Variants in CP observed in about 807,000 individuals in gnomAD.
CP encodes the protein caeruloplasmin.
In CP, 64 loss-of-function variants were observed where a neutral mutation model predicts 122.4. The ratio of observed to expected loss-of-function variants is 0.52; its 90% CI spans 0.43 to 0.64. CP has a LOEUF of 0.64. Among genes scored for constraint, CP ranks in the 30% least tolerant of loss-of-function variants. The probability of loss-of-function intolerance (pLI) is 0.00; values close to 1 mark genes in which losing one functional copy is unlikely to be tolerated. For synonymous variants in CP, 440 were observed against 436.4 expected (o/e 1.01, Z -0.10); for missense variants, 1,167 against 1,284.4 (o/e 0.91, Z 1.40).
chr3:149,177,818 A>C (rs748917873), intron 17 of CP, 22 bp downstream of exon 17: 1 of 1,611,772 alleles, frequency 6.2e-7, no homozygotes, highest in Non-Finnish European at 8.5e-7. Flanking sequence ...GAGCAAGAGT[A>C]ATTGCCATGG....
chr3:149,185,441 A>T lies in CP; in HGVS notation c.2083T>A (p.Phe695Ile). ...TCAGTTGTAAGGCATTCAACATTAA[A>T]AGTCCCTGGAGTGGTAAATAAGAAA... is the stretch of plus-strand genomic sequence containing the variant. ...LHMWPDTEGTFNVECLTTDHY... is the reference protein window; with the variant it reads ...LHMWPDTEGTINVECLTTDHY... Residue 695 changes from phenylalanine (F) to isoleucine (I), a missense_variant, in exon 12 of 19, where the codon TTT (phenylalanine) becomes ATT (isoleucine). Phe to Ile is a conservative substitution (Grantham distance 21). Around this residue, in one of 2 missense-constraint regions of CP, gnomAD observed 525 missense variants for 657.2 expected, o/e 0.80. Coordinates refer to ENST00000264613, the MANE Select transcript of CP (RefSeq NM_000096.4). 2 of 1,614,140 alleles carry T rather than the reference A, an allele frequency of 1.2e-6. No individual in the cohort carries two copies. The highest frequency in any genetic ancestry group is 1.7e-6 in the Non-Finnish European group (2 of 1,179,996).
rs7632964 is a variant in CP at position 149,197,034 on chromosome 3, G to C, written c.1713+1333C>G. Among the ~76,000 whole-genome samples the C allele has an allele frequency of 3.3e-5, 5 of 151,950 alleles. No individual in the cohort carries two copies. In the South Asian group the frequency reaches 1.0e-3, roughly 32 times the overall value. ...CTCCTGGCTCATCCTGGCTCAAAAA[G>C]CACCCCCACTGAGCACCTTGCGACC... On this transcript the variant is annotated intron_variant, in intron 9 of 18. Coordinates refer to ENST00000264613, the MANE Select transcript of CP (RefSeq NM_000096.4).
At chr3:149,175,773 A>G (rs35900668) in intron 18 of CP, among the ~76,000 whole-genome samples, 4 of 151,854 alleles carry the variant, frequency 2.6e-5, no homozygotes, top group African/African-American at 9.7e-5. Context: ...TTCACAAACA[A>G]TTATCGGTAA....
chr3:149,174,287 C>T (rs947978866), intron 18 of CP, among the ~76,000 whole-genome samples: 1 of 152,144 alleles, frequency 6.6e-6, no homozygotes. Context: ...GGATTATTAG[C>T]GAAATTTGAA....
intron 2 of CP, among the ~76,000 whole-genome samples, chr3:149,212,064 C>T (rs537184031): frequency 1.6e-4 from 24 of 151,978 alleles, no homozygotes; most frequent in Middle Eastern, 3.4e-3. Flanking sequence ...GAGGCTGAGG[C>T]GGGCAGATCA....
chr3:149,176,197 CT>C, intron 18 of CP, 52 bp downstream of exon 18: 1 of 1,552,092 alleles, frequency 6.4e-7, no homozygotes, highest in Non-Finnish European at 8.9e-7. Flanking sequence ...AAAGTAGTTC[CT>C]TTAGTTATAT....
chr3:149,171,263 C>T (rs921065621), downstream of CP, among the ~76,000 whole-genome samples: 15 of 150,526 alleles, frequency 1.0e-4, no homozygotes, highest in South Asian at 2.3e-3. Context: ...GGTGACAGAG[C>T]GAGACTCCGT....
chr3:149,183,256 G>A (rs926356353), intron 13 of CP, among the ~76,000 whole-genome samples: 1 of 152,010 alleles, frequency 6.6e-6, no homozygotes, highest in Non-Finnish European at 1.5e-5. Context: ...ACAATACATA[G>A]TTTCCAAGAG....
chr3:149,172,487 A>G (rs1441803337), downstream of CP: 8 of 328,822 alleles, frequency 2.4e-5, no homozygotes, highest in East Asian at 1.8e-4. Context: ...AATTCCTCAA[A>G]GAAGCCATAC....
chr3:149,202,254 A>T lies in CP; in HGVS notation c.1209-13T>A, dbSNP rs1450887837. 2 of 1,613,990 alleles carry T rather than the reference A, an allele frequency of 1.2e-6. No individual in the cohort carries two copies. The highest frequency in any genetic ancestry group is 3.3e-5 in the Admixed American group (2 of 59,988). On this transcript the variant is annotated splice_polypyrimidine_tract_variant and intron_variant, in intron 6 of 18. Coordinates refer to ENST00000264613, the MANE Select transcript of CP (RefSeq NM_000096.4). ...CACCGCTGAGTCACTGCAGGGGGAA[A>T]AAAGTGTTTAATGCTGGGGTTGAAG...
At position 149,185,335 on chromosome 3, in the gene CP, C is replaced by T; in HGVS notation, c.2189G>A (p.Gly730Glu). The T allele has an allele frequency of 6.2e-7, 1 of 1,614,052 alleles. No individual in the cohort carries two copies. The highest frequency in any genetic ancestry group is 1.1e-5 in the South Asian group (1 of 91,066). ...RQSEDSTFYLGERTYYIAAVE... is the reference protein window; with the variant it reads ...RQSEDSTFYLEERTYYIAAVE... The stretch of plus-strand genomic sequence containing the variant: ...TGCTGCGATATAGTATGTCCTCTCT[C>T]CCAGGTAGAAGGTGGAATCCTCAGA... The change falls in exon 12 of 19, where the codon GGA (glycine) becomes GAA (glutamate). Residue 730 changes from glycine (G) to glutamate (E), a missense_variant. Physicochemically the swap from Gly to Glu is moderately conservative, Grantham distance 98. This residue lies in a region of CP where 525 missense variants were observed against 657.2 expected (regional missense o/e 0.80). Transcript: ENST00000264613.
intron 9 of CP, among the ~76,000 whole-genome samples, chr3:149,192,911 T>TAGGAGAAA (rs1726635814): frequency 6.6e-6 from 1 of 151,842 alleles, no homozygotes; most frequent in Non-Finnish European, 1.5e-5. Context: ...TCTCCTACAC[T>TAGGAGAAA]TTACGCAGTG....
chr3:149,165,114 A>G (rs1357334324), intron 5 of CP, among the ~76,000 whole-genome samples: 2 of 152,156 alleles, frequency 1.3e-5, no homozygotes, highest in Non-Finnish European at 1.5e-5. Flanking sequence ...CTCTAGTACT[A>G]TTGTGATACA....
intron 1 of CP, among the ~76,000 whole-genome samples, chr3:149,218,588 A>T (rs1040989667): frequency 6.6e-6 from 1 of 152,114 alleles, no homozygotes; most frequent in South Asian, 2.1e-4. Context: ...CCCTCAGGTG[A>T]CTTTTCTATC....
intron 16 of CP, 69 bp downstream of exon 16, chr3:149,178,345 CA>C: frequency 8.0e-7 from 1 of 1,247,182 alleles, no homozygotes; most frequent in Non-Finnish European, 1.2e-6. Flanking sequence ...GAATGGTCTC[CA>C]AAATAATTTT....
chr3:149,205,411 G>T (rs1218363521), intron 6 of CP, among the ~76,000 whole-genome samples: 2 of 150,452 alleles, frequency 1.3e-5, no homozygotes, highest in Non-Finnish European at 3.0e-5. Flanking sequence ...ATAATTAAAA[G>T]CAGAGATTTG....
At chr3:149,219,794 G>C (rs997395067) in intron 1 of CP, among the ~76,000 whole-genome samples, 1 of 152,054 alleles carries the variant, frequency 6.6e-6, no homozygotes, top group African/African-American at 2.4e-5. Context: ...AGTTTGGAGG[G>C]CTCAGAAGAA....
chr3:149,221,049 A>G (rs1271319507), intron 1 of CP, among the ~76,000 whole-genome samples: 1 of 151,952 alleles, frequency 6.6e-6, no homozygotes, highest in Admixed American at 6.5e-5. Flanking sequence ...ACATTTTTTT[A>G]TGCACATATG....
chr3:149,205,521 C>G (rs1727650670), intron 6 of CP, among the ~76,000 whole-genome samples: 1 of 151,652 alleles, frequency 6.6e-6, no homozygotes, highest in African/African-American at 2.4e-5. Context: ...AATGAATAAA[C>G]AAAATATGGT....
Sources: allele counts gnomAD v4.1 joint callset (sites outside exome capture counted in the v4.1 genomes callset), GRCh38; gene constraint gnomAD v4.1.1; regional missense constraint gnomAD v4.1.1; transcripts MANE v1.5; gene names NCBI Gene and HGNC (gene_info 2026-07-23, HGNC 2026-07-21).